The following WDPCP variants were observed in gnomAD, a reference collection of about 807,000 sequenced individuals.
The protein encoded by WDPCP is WD repeat-containing and planar cell polarity effector protein fritz homolog.
In WDPCP, 71 loss-of-function variants were observed where a neutral mutation model predicts 93.1. That is an observed-to-expected ratio of 0.76 (90% CI 0.63 to 0.93). The LOEUF (loss-of-function observed/expected upper bound fraction) is 0.93. WDPCP is among the 40% of genes least tolerant of loss of function. The pLI is 0.00. For synonymous variants in WDPCP, 315 were observed against 315.0 expected, an observed-to-expected ratio of 1.00 and a Z score of 0.00; for missense variants, 844 against 887.4, an observed-to-expected ratio of 0.95 and a Z score of 0.62.
the WDPCP span, among the ~76,000 whole-genome samples, chr2:63,840,442 G>A: frequency 6.6e-6 from 1 of 152,344 alleles, no homozygotes; most frequent in South Asian, 2.1e-4. Flanking sequence ...TAGGAACCGG[G>A]GCAATGGGGA....
intron 12 of WDPCP, among the ~76,000 whole-genome samples, chr2:63,340,653 A>G (rs1688770458): frequency 6.6e-6 from 1 of 152,168 alleles, no homozygotes; most frequent in Non-Finnish European, 1.5e-5. Flanking sequence ...GCCAGGCAGA[A>G]TAGGAGTAAG....
chr2:63,216,699 C>A (rs1472151309), intron 14 of WDPCP, among the ~76,000 whole-genome samples: 7 of 150,462 alleles, frequency 4.7e-5, no homozygotes, highest in Non-Finnish European at 1.0e-4. Flanking sequence ...CTAGAACTTA[C>A]TTAAAGTTTA....
intron 2 of WDPCP, among the ~76,000 whole-genome samples, chr2:63,652,981 G>T (rs1710125143): frequency 1.3e-5 from 2 of 151,962 alleles, no homozygotes; most frequent in Admixed American, 6.6e-5. Context: ...CTCAGATATT[G>T]GATAATAGGC....
At chr2:63,664,120 T>C (rs1322298074) in intron 2 of WDPCP, among the ~76,000 whole-genome samples, 1 of 152,206 alleles carries the variant, frequency 6.6e-6, no homozygotes, top group African/African-American at 2.4e-5. Context: ...CAGATGGAAT[T>C]CCAAGTGGGA....
chr2:63,304,501 G>A (rs544118464), intron 13 of WDPCP, among the ~76,000 whole-genome samples: 8 of 152,318 alleles, frequency 5.3e-5, no homozygotes, highest in African/African-American at 1.2e-4. Context: ...CCCTCCCCTA[G>A]CCAAGGGAAG....
At chr2:63,142,817 GGTGTGTGTGTGTGTGT>G (rs143419326) in intron 17 of WDPCP, among the ~76,000 whole-genome samples, 3 of 146,480 alleles carry the variant, frequency 2.0e-5, no homozygotes, top group Non-Finnish European at 4.5e-5. Context: ...CAGTGTTAGG[GGTGTGTGTGTGTGTGT>G]GTGTGTGTGT....
At chr2:63,463,691 A>C (rs564939661) in intron 6 of WDPCP, among the ~76,000 whole-genome samples, 14 of 152,296 alleles carry the variant, frequency 9.2e-5, no homozygotes, top group Non-Finnish European at 1.9e-4. Flanking sequence ...TCCTCACATA[A>C]ATGGTCAAAT....
At chr2:63,284,707 C>A (rs970831846) in intron 13 of WDPCP, among the ~76,000 whole-genome samples, 1 of 152,224 alleles carries the variant, frequency 6.6e-6, no homozygotes, top group African/African-American at 2.4e-5. Context: ...TTATCCTGGG[C>A]AGGATGGAGC....
At chr2:63,313,463 C>T in intron 12 of WDPCP, 152 bp from the exon 13 acceptor site, 1 of 771,208 alleles carries the variant, frequency 1.3e-6, no homozygotes. Context: ...CTAGGATCTT[C>T]CATATGTGCA....
chr2:63,462,148 C>T (rs541431443), intron 6 of WDPCP, among the ~76,000 whole-genome samples: 178 of 152,320 alleles, frequency 1.2e-3, no homozygotes, highest in African/African-American at 4.1e-3. Context: ...GGCACATATA[C>T]ATCATGGAGT....
At position 63,617,389 on chromosome 2, in the gene WDPCP, T is replaced by C. The variant is rs139175088; in HGVS notation, n.488+33270A>G. 6.6e-5 allele frequency among the ~76,000 whole-genome samples: 10 copies of C among 152,346 alleles called. No homozygotes were observed. In the East Asian group the frequency reaches 1.9e-3, roughly 29 times the overall value. ...GTGTTTGAGAGGGAAAAATGCTTTC[T>C]TATACCCTTCTAGGTTCTGTGGCTG... On this transcript the variant is annotated intron_variant and non_coding_transcript_variant, in intron 3 of 4. Coordinates refer to the WDPCP transcript ENST00000467687.
At chr2:63,225,302 T>A (rs1477578669) in intron 14 of WDPCP, among the ~76,000 whole-genome samples, 1 of 151,662 alleles carries the variant, frequency 6.6e-6, no homozygotes, top group Non-Finnish European at 1.5e-5. Flanking sequence ...AATAAACATA[T>A]AAAAAGAAAC....
chr2:63,558,809 A>G (rs897904481), intron 1 of WDPCP, among the ~76,000 whole-genome samples: 2 of 152,126 alleles, frequency 1.3e-5, no homozygotes, highest in Non-Finnish European at 2.9e-5. Context: ...CAACCAAAAA[A>G]ACGCCAGGAC....
At chr2:63,838,433 T>TGG in the WDPCP span, among the ~76,000 whole-genome samples, 1 of 152,190 alleles carries the variant, frequency 6.6e-6, no homozygotes, top group South Asian at 2.1e-4. Flanking sequence ...AGGCAGAATT[T>TGG]GTATCATCCG....
intron 3 of WDPCP, chr2:63,643,379 CA>C: frequency 2.8e-6 from 1 of 360,318 alleles, no homozygotes; most frequent in Non-Finnish European, 5.4e-6. Flanking sequence ...TTGCCAATAA[CA>C]AAAATGTTGG....
intron 2 of WDPCP, among the ~76,000 whole-genome samples, chr2:63,744,148 T>C (rs114122812): frequency 1.3e-5 from 2 of 152,260 alleles, no homozygotes; most frequent in African/African-American, 4.8e-5. Flanking sequence ...CATAGTGTTC[T>C]TGGATGCACA....
intron 17 of WDPCP, among the ~76,000 whole-genome samples, chr2:63,138,069 A>ATTTTT (rs34667163): frequency 1.5e-4 from 17 of 117,080 alleles, no homozygotes; most frequent in Admixed American, 2.7e-4. Context: ...GTTCCATATG[A>ATTTTT]TTTTTTTTTT....
intron 12 of WDPCP, among the ~76,000 whole-genome samples, chr2:63,362,130 A>C (rs996027558): frequency 8.5e-5 from 13 of 152,116 alleles, no homozygotes; most frequent in Admixed American, 3.3e-4. Flanking sequence ...ACTGTTGACT[A>C]TAATTTCCTT....
intron 2 of WDPCP, among the ~76,000 whole-genome samples, chr2:63,691,833 G>GTATGA (rs942184708): frequency 2.7e-5 from 4 of 150,642 alleles, no homozygotes; most frequent in Non-Finnish European, 5.9e-5. Context: ...AAGTAGAAAG[G>GTATGA]TATGATCTAT....
Sources: allele counts gnomAD v4.1 joint callset (sites outside exome capture counted in the v4.1 genomes callset), GRCh38; gene constraint gnomAD v4.1.1; transcripts MANE v1.5; gene names NCBI Gene and HGNC (gene_info 2026-07-23, HGNC 2026-07-21).